The following RNF34 variants were observed in gnomAD, a reference collection of about 807,000 sequenced individuals.
RNF34 encodes E3 ubiquitin-protein ligase RNF34.
In RNF34, 12 loss-of-function variants were observed where a neutral mutation model predicts 37.9. The observed-to-expected ratio is 0.32, with a 90% CI of 0.20 to 0.51. RNF34 has a LOEUF of 0.51. Ranked by LOEUF, RNF34 falls within the 20% of genes least tolerant of loss-of-function variation. RNF34 has a pLI of 0.97. For missense variants in RNF34, 362 were observed against 472.7 expected (o/e 0.77, Z 2.17); for synonymous variants, 155 against 177.2 (o/e 0.87, Z 1.00).
rs781817807 is a variant in RNF34, at chr12:121,420,298, GGAT to G, written c.702_704del (p.Asp234del). 4.2e-5 allele frequency: 66 copies of G among 1,584,774 alleles called. No individual in the cohort carries two copies. In the East Asian group the frequency reaches 6.7e-4, roughly 16 times the overall value. On this transcript the variant is annotated inframe_deletion, in exon 4 of 6. Coordinates refer to ENST00000361234, the MANE Select transcript of RNF34 (RefSeq NM_025126.4). ...AAGATGATGATGACGACGATGATGA[GGAT>G]GATGATGATGAAGAAGAAAACGCAG...
chr12:121,400,253 G>T, intron 1 of RNF34, 35 bp downstream of exon 1: 2 of 1,604,794 alleles, frequency 1.2e-6, no homozygotes, highest in Non-Finnish European at 8.5e-7. Context: ...GACCCTCCTC[G>T]CCAATCCTAT....
At chr12:121,420,373 A>G in intron 4 of RNF34, 39 bp downstream of exon 4, 1 of 1,554,656 alleles carries the variant, frequency 6.4e-7, no homozygotes, top group Non-Finnish European at 8.7e-7. Flanking sequence ...CTGACATGTC[A>G]GCCTGACAGG....
intron 3 of RNF34, chr12:121,420,004 GATTTT>G (rs1174050738): frequency 1.4e-5 from 6 of 414,220 alleles, no homozygotes; most frequent in Admixed American, 1.4e-4. Context: ...ACTCTGGTTA[GATTTT>G]ATAACTTTAC....
intron 1 of RNF34, among the ~76,000 whole-genome samples, chr12:121,415,819 C>T (rs1593667837): frequency 6.9e-6 from 1 of 145,480 alleles, no homozygotes; most frequent in African/African-American, 2.5e-5. Flanking sequence ...AAATATACCA[C>T]AGGACAGACT....
chr12:121,412,925 C>T (rs970628470), intron 1 of RNF34, among the ~76,000 whole-genome samples: 24 of 151,918 alleles, frequency 1.6e-4, no homozygotes, highest in Non-Finnish European at 3.5e-4. Context: ...CCATGTTGGC[C>T]AGGCTGGTCT....
At chr12:121,422,002 A>T (rs1340001908) in intron 5 of RNF34, among the ~76,000 whole-genome samples, 3 of 152,232 alleles carry the variant, frequency 2.0e-5, no homozygotes, top group African/African-American at 7.2e-5. Flanking sequence ...AGGAATCTTC[A>T]TCCTCAGAGC....
chr12:121,403,221 C>T (rs959339520), intron 1 of RNF34, among the ~76,000 whole-genome samples: 3 of 152,006 alleles, frequency 2.0e-5, no homozygotes, highest in Admixed American at 6.6e-5. Flanking sequence ...ACAGTGAAAC[C>T]CTGTCTCTAC....
chr12:121,401,177 T>C (rs1593641555), intron 1 of RNF34, among the ~76,000 whole-genome samples: 1 of 152,008 alleles, frequency 6.6e-6, no homozygotes, highest in African/African-American at 2.4e-5. Flanking sequence ...GAGTGTCAGC[T>C]GGTCACAGAA....
intron 1 of RNF34, among the ~76,000 whole-genome samples, chr12:121,411,507 C>T (rs1474180981): frequency 6.6e-6 from 1 of 152,154 alleles, no homozygotes; most frequent in African/African-American, 2.4e-5. Flanking sequence ...TTGTATTCTT[C>T]CCTAATTCAT....
At chr12:121,409,278 C>T (rs1440222839) in intron 1 of RNF34, among the ~76,000 whole-genome samples, 2 of 152,116 alleles carry the variant, frequency 1.3e-5, no homozygotes, top group African/African-American at 4.8e-5. Flanking sequence ...CAACACTTGG[C>T]CAAAACTTAG....
chr12:121,418,857 G>T (rs1199979145), intron 3 of RNF34: 1 of 152,154 alleles, frequency 6.6e-6, no homozygotes, highest in African/African-American at 2.4e-5. Context: ...GAGTAGCTAG[G>T]ATTACACCCC....
In RNF34 at chr12:121,411,746, G is replaced by C. The variant is rs1424241001; in HGVS notation, c.7-4413G>C. ...GGAAAGAGGAGCAGGAGAAAAAGAA[G>C]TTTTTGTCCATGAGGAACTTTCACT... On this transcript the variant is annotated intron_variant, in intron 1 of 5. Coordinates refer to ENST00000361234, the MANE Select transcript of RNF34 (RefSeq NM_025126.4). Among the ~76,000 whole-genome samples, 4 of 152,180 alleles carry C rather than the reference G, an allele frequency of 2.6e-5. No homozygotes were observed. In the East Asian group the frequency reaches 5.8e-4, roughly 22 times the overall value.
At chr12:121,419,242 A>AATT (rs1871868251) in intron 3 of RNF34, among the ~76,000 whole-genome samples, 2 of 152,198 alleles carry the variant, frequency 1.3e-5, no homozygotes, top group Admixed American at 1.3e-4. Context: ...CAGTACACTA[A>AATT]CGTGATGTAC....
At chr12:121,421,249 G>A (rs1555283310) in intron 5 of RNF34, among the ~76,000 whole-genome samples, 1 of 151,708 alleles carries the variant, frequency 6.6e-6, no homozygotes, top group East Asian at 1.9e-4. Context: ...AAGAACTTCT[G>A]AACTAGGCTG....
chr12:121,420,257 A>G lies in RNF34; in HGVS notation c.649A>G (p.Thr217Ala). Reference protein sequence around the residue: ...GVPAQVQSEITSANTEDDDDD... With the variant: ...GVPAQVQSEIASANTEDDDDD... ...ATAAGTGTAGGTACAAAGTGAAATCACTTCAGCAAACACAGAAGATGATGA... is the reference window on the plus strand; with the variant it reads ...ATAAGTGTAGGTACAAAGTGAAATCGCTTCAGCAAACACAGAAGATGATGA... Residue 217 changes from threonine to alanine, a missense_variant, in exon 4 of 6, where the codon ACT (threonine) becomes GCT (alanine). Coordinates refer to ENST00000361234, the MANE Select transcript of RNF34 (RefSeq NM_025126.4). 1 of 1,606,298 alleles carries G rather than the reference A, an allele frequency of 6.2e-7. No individual in the cohort carries two copies. The highest frequency in any genetic ancestry group is 8.5e-7 in the Non-Finnish European group (1 of 1,174,604).
chr12:121,403,344 C>T (rs1445303930), intron 1 of RNF34, among the ~76,000 whole-genome samples: 4 of 147,378 alleles, frequency 2.7e-5, no homozygotes, highest in African/African-American at 7.5e-5. Flanking sequence ...TGCAGTGAGC[C>T]AAGATTGCGC....
Position 121,417,591 on chromosome 12 carries a change from T to C in RNF34, c.313T>C (p.Leu105=), listed in dbSNP as rs782485681. The change falls in exon 3 of 6, where the codon TTA becomes CTA. Residue 105 remains leucine, a synonymous_variant. Coordinates refer to ENST00000361234, the MANE Select transcript of RNF34 (RefSeq NM_025126.4). The surrounding 1 kb of genome is among the most constrained non-coding windows in gnomAD (Gnocchi z 5.0). The part of the protein sequence containing the change: ...NLRRCSTCHL[L]QETAFQRPQL... ...CCGTAGATGTTCTACTTGTCACTTA[T>C]TACAAGAGACAGCATTTCAGCGCCC... 187 of 1,614,080 alleles carry C rather than the reference T, an allele frequency of 1.2e-4. 1 individual carries two copies. The South Asian group carries it at 1.9e-3, about 17-fold the overall frequency.
At chr12:121,414,592 G>A (rs998159532) in intron 1 of RNF34, among the ~76,000 whole-genome samples, 2 of 152,204 alleles carry the variant, frequency 1.3e-5, no homozygotes, top group Non-Finnish European at 2.9e-5. Flanking sequence ...GCCTTGGAAG[G>A]TCATGATGGT....
intron 1 of RNF34, among the ~76,000 whole-genome samples, chr12:121,412,908 G>C (rs1555281527): frequency 1.3e-5 from 2 of 151,238 alleles, no homozygotes; most frequent in African/African-American, 2.4e-5. Flanking sequence ...GTAGAGACGG[G>C]GTTTCACCAT....
Sources: allele counts gnomAD v4.1 joint callset (sites outside exome capture counted in the v4.1 genomes callset), GRCh38; gene constraint gnomAD v4.1.1; non-coding constraint Gnocchi (gnomAD v3.1); transcripts MANE v1.5; gene names NCBI Gene and HGNC (gene_info 2026-07-23, HGNC 2026-07-21).